Variants in ZC3H3 observed in about 807,000 individuals in gnomAD.
ZC3H3 encodes zinc finger CCCH domain-containing protein 3.
Under a neutral mutation model 77.3 loss-of-function variants are expected in ZC3H3, and 36 were observed. The ratio of observed to expected loss-of-function variants is 0.47; its 90% CI spans 0.36 to 0.61. The LOEUF is 0.61. Among genes scored for constraint, ZC3H3 ranks in the 20% least tolerant of loss-of-function variants. ZC3H3 has a pLI of 0.00. For synonymous variants in ZC3H3, 626 were observed against 555.2 expected, an observed-to-expected ratio of 1.13 and a Z score of -1.79; for missense variants, 1,331 against 1,312.2, an observed-to-expected ratio of 1.01 and a Z score of -0.22.
intron 11 of ZC3H3, among the ~76,000 whole-genome samples, chr8:143,438,499 G>A (rs1329797129): frequency 2.0e-5 from 3 of 152,200 alleles, no homozygotes; most frequent in Non-Finnish European, 4.4e-5. Flanking sequence ...AGGCGGCCAC[G>A]ATGCAGCTTC....
At position 143,460,737 on chromosome 8, in the gene ZC3H3, C is replaced by T. The variant is rs905842637; in HGVS notation, c.2307+4980G>A. On this transcript the variant is annotated intron_variant, in intron 9 of 11. Coordinates refer to ENST00000262577, the MANE Select transcript of ZC3H3 (RefSeq NM_015117.3). This position sits in a 1 kb window ranked among gnomAD's most constrained non-coding sequence, Gnocchi z 4.0. Reference sequence around the variant, plus strand: ...AAGAAAGGAATGAGGTGCTGCTACACGTGTGAACCCTGGAAACATTATGCC... The same window carrying T: ...AAGAAAGGAATGAGGTGCTGCTACATGTGTGAACCCTGGAAACATTATGCC... 1.3e-5 allele frequency among the ~76,000 whole-genome samples: 2 copies of T among 152,168 alleles called. No individual in the cohort carries two copies. The highest frequency in any genetic ancestry group is 6.5e-5 in the Admixed American group (1 of 15,274).
chr8:143,532,958 C>T (rs1822666720), intron 3 of ZC3H3, among the ~76,000 whole-genome samples: 1 of 152,196 alleles, frequency 6.6e-6, no homozygotes, highest in South Asian at 2.1e-4. Context: ...CGCACATCTC[C>T]ACGGGCTCCC....
At chr8:143,513,133 A>G (rs1352299821) in intron 3 of ZC3H3, among the ~76,000 whole-genome samples, 1 of 152,106 alleles carries the variant, frequency 6.6e-6, no homozygotes, top group African/African-American at 2.4e-5. Flanking sequence ...GTGCTGCTGC[A>G]TGGCTGGCAC....
At chr8:143,534,408 T>G (rs907558380) in intron 3 of ZC3H3, among the ~76,000 whole-genome samples, 8 of 151,848 alleles carry the variant, frequency 5.3e-5, no homozygotes, top group African/African-American at 1.9e-4. Context: ...AAACCCACTC[T>G]TCCTGGCAGG....
At chr8:143,483,097 G>C (rs1820950843) in intron 4 of ZC3H3, among the ~76,000 whole-genome samples, 1 of 152,238 alleles carries the variant, frequency 6.6e-6, no homozygotes, top group Non-Finnish European at 1.5e-5. Context: ...ATTTTTCGAA[G>C]CTTGGAGCCC....
At position 143,537,981 on chromosome 8, in the gene ZC3H3, C is replaced by T. The variant is rs374113579; in HGVS notation, c.1364+22G>A. On this transcript the variant is annotated intron_variant, in intron 2 of 11. Transcript: ENST00000262577. ...CTCCTCACAGCCCCTCACACTCTACCGCAGCCGGCCGGGATGCCCACCTTG... is the reference window on the plus strand; with the variant it reads ...CTCCTCACAGCCCCTCACACTCTACTGCAGCCGGCCGGGATGCCCACCTTG... 8.6e-5 allele frequency: 136 copies of T among 1,576,362 alleles called. 1 individual carries two copies. The highest frequency in any genetic ancestry group is 1.1e-4 in the Non-Finnish European group (122 of 1,161,274).
At chr8:143,489,544 G>A (rs867904665) in intron 4 of ZC3H3, among the ~76,000 whole-genome samples, 1 of 152,162 alleles carries the variant, frequency 6.6e-6, no homozygotes, top group Non-Finnish European at 1.5e-5. Flanking sequence ...AGCCTCCGCA[G>A]GCAAGGGGGC....
intron 11 of ZC3H3, among the ~76,000 whole-genome samples, chr8:143,438,670 C>T (rs753630225): frequency 2.6e-5 from 4 of 152,298 alleles, no homozygotes; most frequent in Non-Finnish European, 5.9e-5. Flanking sequence ...AATGTTCACT[C>T]ACTGGGTGCC....
intron 3 of ZC3H3, among the ~76,000 whole-genome samples, chr8:143,512,063 G>A (rs1459763542): frequency 1.3e-5 from 2 of 152,378 alleles, no homozygotes; most frequent in East Asian, 1.9e-4. Context: ...ATGTTCCCGG[G>A]AGAAGTGACA....
chr8:143,468,590 A>AC (rs2129878162), intron 6 of ZC3H3, 27 bp downstream of exon 6: 2 of 1,582,140 alleles, frequency 1.3e-6, no homozygotes, highest in Non-Finnish European at 8.6e-7. Flanking sequence ...CAGGGAGCCC[A>AC]CCCACTGCCC....
At chr8:143,466,574 G>T (rs1037978610) in intron 8 of ZC3H3, among the ~76,000 whole-genome samples, 8 of 152,302 alleles carry the variant, frequency 5.3e-5, no homozygotes, top group African/African-American at 1.7e-4. Context: ...CTGGGCTAGG[G>T]CCACCCAGGG....
chr8:143,475,711 T>A (rs1820715449), intron 4 of ZC3H3, 126 bp from the exon 5 acceptor site: 2 of 1,141,496 alleles, frequency 1.8e-6, no homozygotes, highest in Non-Finnish European at 2.4e-6. Context: ...TTGCGGTGGG[T>A]ACACACTCCA....
rs200835935 is a variant in ZC3H3 at position 143,538,589 on chromosome 8, G to C, written c.778C>G (p.Leu260Val). The C allele has an allele frequency of 1.2e-6, 2 of 1,610,348 alleles. No individual in the cohort carries two copies. Among genetic ancestry groups the C allele is most frequent in the Admixed American group, 3.3e-5 (2 of 60,034 alleles). The change falls in exon 2 of 12, where the codon CTT becomes GTT. Residue 260 changes from leucine to valine, a missense_variant. Transcript: ENST00000262577. The part of the protein sequence containing the change: ...HSVASCAPQL[L>V]GDRRVDAGHT... ...CCAGCATCTACTCTCCTGTCCCCAA[G>C]GAGCTGTGGAGCACAGCTGGCCACG...
chr8:143,468,569 C>G, intron 6 of ZC3H3, 29 bp from the exon 7 acceptor site: 1 of 1,598,966 alleles, frequency 6.3e-7, no homozygotes. Context: ...GTGCGTGAGC[C>G]TGAGGGCGAG....
intron 5 of ZC3H3, among the ~76,000 whole-genome samples, chr8:143,470,090 C>A (rs1272894774): frequency 1.3e-5 from 2 of 152,222 alleles, no homozygotes; most frequent in Non-Finnish European, 2.9e-5. Context: ...ACCCGAGGAC[C>A]CAAGGCTTCC....
At chr8:143,537,748 C>T (rs1563889042) in intron 2 of ZC3H3, among the ~76,000 whole-genome samples, 2 of 152,202 alleles carry the variant, frequency 1.3e-5, no homozygotes, top group Non-Finnish European at 2.9e-5. Context: ...AGCTGCTTGT[C>T]TCTCACCGGC....
intron 4 of ZC3H3, among the ~76,000 whole-genome samples, chr8:143,480,171 G>C (rs1472174508): frequency 6.6e-6 from 1 of 152,194 alleles, no homozygotes; most frequent in Non-Finnish European, 1.5e-5. Flanking sequence ...AGTGGTGCTG[G>C]GGGCCTGGGC....
intron 11 of ZC3H3, 121 bp from the exon 12 acceptor site, chr8:143,438,208 G>T: frequency 7.8e-7 from 1 of 1,286,376 alleles, no homozygotes; most frequent in Non-Finnish European, 1.1e-6. Context: ...ACACAGCAAG[G>T]TCTGCAGAGA....
chr8:143,494,911 G>C lies in ZC3H3; in HGVS notation c.1715+12835C>G, dbSNP rs1232289993. Among the ~76,000 whole-genome samples the C allele has an allele frequency of 6.6e-6, 1 of 152,214 alleles. No individual in the cohort carries two copies. Among genetic ancestry groups the C allele is most frequent in the Non-Finnish European group, 1.5e-5 (1 of 68,050 alleles). On this transcript the variant is annotated intron_variant, in intron 4 of 11. Transcript: ENST00000262577. This position sits in a 1 kb window ranked among gnomAD's most constrained non-coding sequence, Gnocchi z 5.3. Reference sequence around the variant, plus strand: ...CCCGAGCAGGTACTCAACATCACTGGACACCAGGGAAACGCAAATGAAAAC... The same window carrying C: ...CCCGAGCAGGTACTCAACATCACTGCACACCAGGGAAACGCAAATGAAAAC...
Sources: allele counts gnomAD v4.1 joint callset (sites outside exome capture counted in the v4.1 genomes callset), GRCh38; gene constraint gnomAD v4.1.1; non-coding constraint Gnocchi (gnomAD v3.1); transcripts MANE v1.5; gene names NCBI Gene and HGNC (gene_info 2026-07-23, HGNC 2026-07-21).